Variants in RAD51B observed in about 807,000 individuals in gnomAD.
RAD51B encodes DNA repair protein RAD51 homolog 2.
Under a neutral mutation model 42.2 loss-of-function variants are expected in RAD51B, and 38 were observed. That is an observed-to-expected ratio of 0.90 (90% CI 0.70 to 1.18). The LOEUF is 1.18. Ranked by LOEUF, RAD51B falls within the 50% of genes most tolerant of loss-of-function variation. The probability of loss-of-function intolerance (pLI) is 0.00; values close to 1 mark genes in which losing one functional copy is unlikely to be tolerated. For synonymous variants in RAD51B, 154 were observed against 145.2 expected, an observed-to-expected ratio of 1.06 and a Z score of -0.43; for missense variants, 373 against 400.7, an observed-to-expected ratio of 0.93 and a Z score of 0.59.
chr14:68,488,199 C>CTTTTTT (rs201866707), intron 10 of RAD51B, among the ~76,000 whole-genome samples: 87 of 108,304 alleles, frequency 8.0e-4, no homozygotes, highest in African/African-American at 1.3e-3. Context: ...TAGGGTTTGT[C>CTTTTTT]TTTTTTTTTT....
At chr14:67,986,978 C>G (rs2075205829) in intron 7 of RAD51B, among the ~76,000 whole-genome samples, 1 of 152,204 alleles carries the variant, frequency 6.6e-6, no homozygotes, top group African/African-American at 2.4e-5. Context: ...GTGATCCACC[C>G]ACCTTGGCCT....
chr14:68,282,490 T>G lies in RAD51B; in HGVS notation c.757-9394T>G, dbSNP rs8022469. 4.6e-3 allele frequency among the ~76,000 whole-genome samples: 701 copies of G among 152,310 alleles called. 5 individuals are homozygous for G. The highest frequency in any genetic ancestry group is 0.015 in the African/African-American group (644 of 41,574). ...TGTGTTGAGTCTGTTTAATTGTAGG[T>G]TATTATTGTGTGTCTATATTGATGT... On this transcript the variant is annotated intron_variant, in intron 7 of 10. Transcript: ENST00000471583.
intron 7 of RAD51B, among the ~76,000 whole-genome samples, chr14:68,169,880 G>A (rs2588816): frequency 0.83 from 125,864 of 152,154 alleles, 52,262 homozygotes; most frequent in East Asian, 0.98. Flanking sequence ...TGCACTTACA[G>A]CAAAGACTTT....
At chr14:68,551,544 C>G (rs1888571435) in intron 10 of RAD51B, among the ~76,000 whole-genome samples, 1 of 152,190 alleles carries the variant, frequency 6.6e-6, no homozygotes, top group Non-Finnish European at 1.5e-5. Flanking sequence ...CAGTAAGTAT[C>G]TGACGTCAGT....
chr14:68,000,142 T>C (rs1199747585), intron 7 of RAD51B: 1 of 152,182 alleles, frequency 6.6e-6, no homozygotes, highest in African/African-American at 2.4e-5. Context: ...ACTAATAAAT[T>C]TGGGAATGCC....
At chr14:68,195,299 T>C (rs117352206) in intron 7 of RAD51B, among the ~76,000 whole-genome samples, 2,976 of 152,282 alleles carry the variant, frequency 0.02, 33 homozygotes, top group Non-Finnish European at 0.033. Flanking sequence ...TCATTTGCCC[T>C]CCAAATGCAA....
Position 67,942,671 on chromosome 14 carries a change from C to T in RAD51B, c.756+55467C>T, listed in dbSNP as rs529788869. ...TGAAGTAGCAGGAGTAACGTCAATA[C>T]GTTGAAGTTACAAAGCCTGCCAAAT... is the stretch of plus-strand genomic sequence containing the variant. On this transcript the variant is annotated intron_variant, in intron 7 of 10. Transcript: ENST00000471583. 2.6e-5 allele frequency among the ~76,000 whole-genome samples: 4 copies of T among 152,186 alleles called. No individual in the cohort carries two copies. In the East Asian group the frequency reaches 7.7e-4, roughly 29 times the overall value.
intron 11 of RAD51B, among the ~76,000 whole-genome samples, chr14:68,682,205 C>G (rs949091851): frequency 1.3e-5 from 2 of 152,208 alleles, no homozygotes; most frequent in Non-Finnish European, 2.9e-5. Context: ...CAGATTACAA[C>G]TGAGACTCAA....
downstream of RAD51B, chr14:68,611,676 G>A (rs1891686677): frequency 4.0e-6 from 1 of 250,520 alleles, no homozygotes; most frequent in Admixed American, 4.9e-5. Flanking sequence ...CGCACAGGCA[G>A]TCTCAAATGG....
At chr14:67,860,117 C>T (rs2042118141) in intron 4 of RAD51B, among the ~76,000 whole-genome samples, 3 of 152,086 alleles carry the variant, frequency 2.0e-5, no homozygotes. Flanking sequence ...TCACCGCACC[C>T]GGCCTTAAAT....
At chr14:67,906,136 T>C (rs927904307) in intron 7 of RAD51B, among the ~76,000 whole-genome samples, 3 of 152,182 alleles carry the variant, frequency 2.0e-5, no homozygotes, top group African/African-American at 7.2e-5. Flanking sequence ...AAGCCTTTTC[T>C]GTGTCTGTTG....
chr14:68,590,237 T>C (rs996941000), intron 10 of RAD51B, among the ~76,000 whole-genome samples: 1 of 152,158 alleles, frequency 6.6e-6, no homozygotes, highest in African/African-American at 2.4e-5. Context: ...GGCTGACTGA[T>C]GGAGTGAGAG....
chr14:68,439,621 T>C (rs1353780664), intron 9 of RAD51B, among the ~76,000 whole-genome samples: 1 of 152,196 alleles, frequency 6.6e-6, no homozygotes. Context: ...TCTCCATCCC[T>C]CAGAGTTGGG....
chr14:68,648,674 AACACACACAC>A (rs35200852), intron 10 of RAD51B, among the ~76,000 whole-genome samples: 102 of 143,710 alleles, frequency 7.1e-4, no homozygotes, highest in South Asian at 3.7e-3. Context: ...AAAGCACACA[AACACACACAC>A]ACACACACAC....
intron 7 of RAD51B, among the ~76,000 whole-genome samples, chr14:68,092,113 A>T (rs1202993606): frequency 6.6e-6 from 1 of 152,196 alleles, no homozygotes. Flanking sequence ...TTTGTAGTAT[A>T]GTTTGAAGTC....
intron 8 of RAD51B, among the ~76,000 whole-genome samples, chr14:68,353,372 G>C (rs1003449892): frequency 6.6e-6 from 1 of 152,246 alleles, no homozygotes; most frequent in African/African-American, 2.4e-5. Context: ...ATGAGCCACA[G>C]AGTGATTTCT....
chr14:68,290,520 G>C (rs1376430465), intron 7 of RAD51B, among the ~76,000 whole-genome samples: 1 of 152,198 alleles, frequency 6.6e-6, no homozygotes, highest in African/African-American at 2.4e-5. Flanking sequence ...ACATGAATTA[G>C]GTAGTATTAG....
intron 8 of RAD51B, among the ~76,000 whole-genome samples, chr14:68,363,580 C>T (rs2083076112): frequency 6.6e-6 from 1 of 152,176 alleles, no homozygotes; most frequent in South Asian, 2.1e-4. Flanking sequence ...GGCTCTCCTG[C>T]GGCGGCGCCC....
chr14:68,043,772 T>C (rs1334495408), intron 7 of RAD51B, among the ~76,000 whole-genome samples: 2 of 152,126 alleles, frequency 1.3e-5, no homozygotes, highest in Non-Finnish European at 2.9e-5. Flanking sequence ...AGAAATAGAT[T>C]GGAATTAAAA....
Sources: allele counts gnomAD v4.1 joint callset (sites outside exome capture counted in the v4.1 genomes callset), GRCh38; gene constraint gnomAD v4.1.1; transcripts MANE v1.5; gene names NCBI Gene and HGNC (gene_info 2026-07-23, HGNC 2026-07-21).